Variants in PTK7 observed in about 807,000 individuals in gnomAD.
PTK7 encodes inactive tyrosine-protein kinase 7.
A neutral mutation model predicts 116.6 loss-of-function variants in PTK7; 39 were observed. That is an observed-to-expected ratio of 0.33 (90% CI 0.26 to 0.44). The LOEUF is 0.44. PTK7 is among the 20% of genes least tolerant of loss of function. The pLI is 1.00. For missense variants in PTK7, 1,169 were observed against 1,425.6 expected (o/e 0.82, Z 2.90); for synonymous variants, 546 against 563.6 (o/e 0.97, Z 0.44).
rs1468185437 is a variant in PTK7 at position 43,160,844 on chromosome 6, G to C, written c.3176G>C (p.Ser1059Thr). ...CGGCCCTCCTTCAGTGAGATTGCCA[G>C]CGCCCTGGGAGACAGCACCGTGGAC... ...KDRPSFSEIA[S>T]ALGDSTVDSK... The change falls in exon 20 of 20, where the codon AGC becomes ACC. Residue 1059 changes from serine to threonine, a missense_variant. By Grantham distance (58) the Ser-to-Thr change is moderately conservative (BLOSUM62 1). Coordinates refer to ENST00000230419, the MANE Select transcript of PTK7 (RefSeq NM_002821.5). 4.3e-6 allele frequency: 7 copies of C among 1,614,036 alleles called. No homozygotes were observed.
rs1267474053 is a variant in PTK7, at chr6:43,142,006, C to T, written c.1844C>T (p.Ala615Val). The stretch of plus-strand genomic sequence containing the variant: ...CACACAGCCCTACTGCAGTGCGAGG[C>T]CCAGGGGGACCCCAAGCCGCTGATT... ...QGHTALLQCE[A>V]QGDPKPLIQW... The change falls in exon 12 of 20, where the codon GCC becomes GTC. Residue 615 changes from alanine to valine, a missense_variant. Physicochemically the swap from Ala to Val is moderately conservative, Grantham distance 64. Around this residue, in one of 3 missense-constraint regions of PTK7, gnomAD observed 678 missense variants for 853.8 expected, o/e 0.79. Transcript: ENST00000230419. The T allele has an allele frequency of 6.2e-7, 1 of 1,613,762 alleles. No homozygotes were observed. Among genetic ancestry groups the T allele is most frequent in the East Asian group, 2.2e-5 (1 of 44,882 alleles).
intron 6 of PTK7, 64 bp from the exon 7 acceptor site, chr6:43,132,357 G>A: frequency 6.6e-7 from 1 of 1,525,208 alleles, no homozygotes; most frequent in Non-Finnish European, 8.8e-7. Context: ...CTTGCTGTGG[G>A]AGAACATCAT....
At chr6:43,144,233 C>G (rs894270696) in intron 14 of PTK7, 2 of 574,746 alleles carry the variant, frequency 3.5e-6, no homozygotes, top group Non-Finnish European at 6.2e-6. Flanking sequence ...AGGTCATAAT[C>G]AGCTGCATCA....
At chr6:43,114,419 C>T (rs1192315870) in intron 1 of PTK7, among the ~76,000 whole-genome samples, 3 of 152,000 alleles carry the variant, frequency 2.0e-5, no homozygotes, top group Non-Finnish European at 4.4e-5. Context: ...GTTCCCTTAT[C>T]TTATCTCCCT....
In PTK7 at chr6:43,145,905, A is replaced by AGAGCTGCGCCTTCCTCTTCATTCCCC. The variant is rs555857078; in HGVS notation, c.2640+474_2640+499dup. ...CCTCTCCACTCAGGGTGTCATTCCC[A>AGAGCTGCGCCTTCCTCTTCATTCCCC]GAGCTGCGCCTTCCTCTTCATTCCC... On this transcript the variant is annotated intron_variant, in intron 16 of 19. Coordinates refer to ENST00000230419, the MANE Select transcript of PTK7 (RefSeq NM_002821.5). This position sits in a 1 kb window ranked among gnomAD's most constrained non-coding sequence, Gnocchi z 4.8. 6,554 of 153,068 alleles carry AGAGCTGCGCCTTCCTCTTCATTCCCC rather than the reference A, an allele frequency of 0.043. 200 individuals carry two copies. The highest frequency in any genetic ancestry group is 0.068 in the Non-Finnish European group (4,659 of 68,626). 9.5% of individuals were successfully genotyped at this position (153,068 alleles called of 1,614,324 possible).
chr6:43,114,783 A>G (rs1323384806), intron 1 of PTK7, among the ~76,000 whole-genome samples: 1 of 151,986 alleles, frequency 6.6e-6, no homozygotes, highest in African/African-American at 2.4e-5. Flanking sequence ...TGGTGCTTTT[A>G]AAAATAACTT....
In PTK7 at chr6:43,145,475, G is replaced by A. The variant is rs1439702626; in HGVS notation, c.2640+43G>A. The A allele has an allele frequency of 4.1e-6, 6 of 1,461,996 alleles. No homozygotes were observed. Among genetic ancestry groups the A allele is most frequent in the Non-Finnish European group, 5.5e-6 (6 of 1,084,276 alleles). The allele number at this position is 1,461,996 out of a possible 1,614,324, so 90.6% of individuals were successfully genotyped here. Reference sequence around the variant, plus strand: ...GACGTGGGGGTCTCGGGTAGGGAGGGCAGTGTCCTACAAAGGTGGGAGTCA... The same window carrying A: ...GACGTGGGGGTCTCGGGTAGGGAGGACAGTGTCCTACAAAGGTGGGAGTCA... On this transcript the variant is annotated intron_variant, in intron 16 of 19. Coordinates refer to ENST00000230419, the MANE Select transcript of PTK7 (RefSeq NM_002821.5). This position sits in a 1 kb window ranked among gnomAD's most constrained non-coding sequence, Gnocchi z 4.8.
chr6:43,089,347 T>C (rs937577346), intron 1 of PTK7, among the ~76,000 whole-genome samples: 1 of 152,160 alleles, frequency 6.6e-6, no homozygotes, highest in African/African-American at 2.4e-5. Context: ...CCATTGTAGC[T>C]CATCTGTTTA....
intron 1 of PTK7, among the ~76,000 whole-genome samples, chr6:43,083,593 TACAC>T (rs1404446496): frequency 6.6e-6 from 1 of 152,170 alleles, no homozygotes; most frequent in Non-Finnish European, 1.5e-5. Flanking sequence ...CCAATAATGT[TACAC>T]AGACAGCAGT....
intron 7 of PTK7, chr6:43,138,599 C>A: frequency 2.6e-6 from 1 of 387,748 alleles, no homozygotes. Flanking sequence ...GAGTTCGAGA[C>A]TGTAGTGAGC....
intron 1 of PTK7, among the ~76,000 whole-genome samples, chr6:43,085,623 A>G (rs114133205): frequency 0.022 from 3,335 of 152,036 alleles, 55 homozygotes; most frequent in Non-Finnish European, 0.034. Context: ...CCTCTTGACT[A>G]GCAGCCTTAG....
rs763498743 is a variant in PTK7 at position 43,142,272 on chromosome 6, C to G, written c.2020C>G (p.His674Asp). ...TGCAGGCAACAGCTGCAACATCAAGCACACGGAGGCCCCCCTCTATGTCGT... is the reference window on the plus strand; with the variant it reads ...TGCAGGCAACAGCTGCAACATCAAGGACACGGAGGCCCCCCTCTATGTCGT... ...CIAGNSCNIK[H>D]TEAPLYVVDK... The change falls in exon 13 of 20, where the codon CAC (histidine) becomes GAC (aspartate). Residue 674 changes from histidine to aspartate, a missense_variant. Transcript: ENST00000230419. 2.5e-6 allele frequency: 4 copies of G among 1,614,220 alleles called. No individual in the cohort carries two copies. Among genetic ancestry groups the G allele is most frequent in the Non-Finnish European group, 3.4e-6 (4 of 1,180,042 alleles).
In PTK7 at chr6:43,144,511, G is replaced by A. The variant is rs1257336073; in HGVS notation, c.2312G>A (p.Ser771Asn). 11 of 1,614,056 alleles carry A rather than the reference G, an allele frequency of 6.8e-6. No individual in the cohort carries two copies. Among genetic ancestry groups the A allele is most frequent in the African/African-American group, 1.3e-5 (1 of 74,932 alleles). ...AEIQEEVALT[S>N]LGSGPAATNK... ...ATCCAAGAAGAAGTGGCCTTGACCA[G>A]CTTGGGCTCCGGCCCCGCGGCCACC... The change falls in exon 15 of 20, where the codon AGC (serine) becomes AAC (asparagine). Residue 771 changes from serine to asparagine, a missense_variant. Around this residue, in one of 3 missense-constraint regions of PTK7, gnomAD observed 678 missense variants for 853.8 expected, o/e 0.79. Transcript: ENST00000230419.
At chr6:43,078,159 G>T (rs1479609824) in intron 1 of PTK7, among the ~76,000 whole-genome samples, 2 of 152,282 alleles carry the variant, frequency 1.3e-5, no homozygotes, top group South Asian at 4.1e-4. Context: ...TGAAGATGGG[G>T]CTCTTGCTCA....
Position 43,129,626 on chromosome 6 carries a change from G to T in PTK7, c.368-101G>T. The stretch of plus-strand genomic sequence containing the variant: ...GGGCTTCCTTGTGTCTGTTGGCACA[G>T]AGCCTCGAGGTTCCACGGCTTCCTG... On this transcript the variant is annotated intron_variant, in intron 2 of 19. Coordinates refer to ENST00000230419, the MANE Select transcript of PTK7 (RefSeq NM_002821.5). The surrounding 1 kb of genome is among the most constrained non-coding windows in gnomAD (Gnocchi z 4.5). 6 of 1,034,402 alleles carry T rather than the reference G, an allele frequency of 5.8e-6. No homozygotes were observed. Among genetic ancestry groups the T allele is most frequent in the Non-Finnish European group, 7.5e-6 (5 of 670,318 alleles). 64.1% of individuals were successfully genotyped at this position (1,034,402 alleles called of 1,614,324 possible).
At chr6:43,081,699 C>T (rs1192268673) in intron 1 of PTK7, among the ~76,000 whole-genome samples, 3 of 152,198 alleles carry the variant, frequency 2.0e-5, no homozygotes, top group African/African-American at 7.2e-5. Context: ...GCCACTGCAC[C>T]CAGCCGATAT....
At position 43,139,948 on chromosome 6, in the gene PTK7, T is replaced by C. The variant is rs961385087; in HGVS notation, c.1618+423T>C. The stretch of plus-strand genomic sequence containing the variant: ...GGCCAACATGGTGAAACCCCATCTC[T>C]ACTAAAAATGCAAAAGTTAGCCAGG... On this transcript the variant is annotated intron_variant, in intron 10 of 19. Transcript: ENST00000230419. The surrounding 1 kb of genome is among the most constrained non-coding windows in gnomAD (Gnocchi z 4.6). Among the ~76,000 whole-genome samples the C allele has an allele frequency of 2.0e-5, 3 of 151,742 alleles. No homozygotes were observed. The highest frequency in any genetic ancestry group is 7.3e-5 in the African/African-American group (3 of 41,236).
chr6:43,147,393 C>T (rs559464706), intron 17 of PTK7, among the ~76,000 whole-genome samples: 8 of 152,332 alleles, frequency 5.3e-5, no homozygotes, highest in African/African-American at 1.4e-4. Flanking sequence ...TGCTGTGGCC[C>T]GGCCCCTTCT....
chr6:43,130,596 A>G lies in PTK7; in HGVS notation c.747A>G (p.Ser249=). The change falls in exon 5 of 20, where the codon TCA becomes TCG. Residue 249 remains serine (S), a synonymous_variant. Coordinates refer to ENST00000230419, the MANE Select transcript of PTK7 (RefSeq NM_002821.5). ...AGGCCATGTTCCATTGCCAGTTCTC[A>G]GCCCAGCCACCCCCGAGCCTGCAGT... The part of the protein sequence containing the change: ...YEEAMFHCQF[S]AQPPPSLQWL... 8 of 1,614,186 alleles carry G rather than the reference A, an allele frequency of 5.0e-6. No homozygotes were observed. Among genetic ancestry groups the G allele is most frequent in the Non-Finnish European group, 6.8e-6 (8 of 1,180,032 alleles).
Sources: gnomAD v4.1 joint callset for allele counts (sites outside exome capture counted in the v4.1 genomes callset) on GRCh38, gnomAD v4.1.1 for gene constraint, gnomAD v4.1.1 regional missense constraint, Gnocchi (gnomAD v3.1) non-coding constraint, MANE v1.5 for transcripts, NCBI Gene and HGNC (gene_info 2026-07-23, HGNC 2026-07-21) for gene names.